The following PACSIN2 variants were observed in gnomAD, a reference collection of about 807,000 sequenced individuals.
PACSIN2 encodes the protein protein kinase C and casein kinase substrate in neurons protein 2.
A neutral mutation model predicts 63.8 loss-of-function variants in PACSIN2; 25 were observed. That is an observed-to-expected ratio of 0.39 (90% confidence interval 0.29 to 0.55). The LOEUF is 0.55. PACSIN2 is among the 20% of genes least tolerant of loss of function. PACSIN2 has a pLI of 0.62. For synonymous variants in PACSIN2, 255 were observed against 256.2 expected (o/e 1.00, Z 0.05); for missense variants, 518 against 646.9 (o/e 0.80, Z 2.16).
chr22:42,922,880 CAG>C (rs1601525338), intron 1 of PACSIN2, among the ~76,000 whole-genome samples: 2 of 152,206 alleles, frequency 1.3e-5, no homozygotes. Context: ...CACCAGGACA[CAG>C]AGAAGTAGGG....
At chr22:42,963,057 T>C (rs1920928599) in intron 1 of PACSIN2, among the ~76,000 whole-genome samples, 1 of 152,214 alleles carries the variant, frequency 6.6e-6, no homozygotes, top group Non-Finnish European at 1.5e-5. Context: ...TGCTGGCCTC[T>C]GGCATGCAGA....
At chr22:42,989,690 T>TGGG (rs1042305389) in intron 1 of PACSIN2, among the ~76,000 whole-genome samples, 4 of 149,816 alleles carry the variant, frequency 2.7e-5, no homozygotes, top group African/African-American at 9.9e-5. Flanking sequence ...CCCAGCTACT[T>TGGG]GGGAGGCTGA....
At chr22:42,993,050 C>A (rs1355364150) in intron 1 of PACSIN2, among the ~76,000 whole-genome samples, 1 of 151,904 alleles carries the variant, frequency 6.6e-6, no homozygotes, top group Non-Finnish European at 1.5e-5. Context: ...CTTATAGTCC[C>A]AGCTACTCGG....
At chr22:42,890,855 G>C in intron 4 of PACSIN2, 92 bp downstream of exon 4, 1 of 975,498 alleles carries the variant, frequency 1.0e-6, no homozygotes, top group Non-Finnish European at 1.6e-6. Context: ...CCTACAGCCA[G>C]TGGCAGGAAG....
intron 6 of PACSIN2, 26 bp from the exon 7 acceptor site, chr22:42,882,330 T>G (rs1929141888): frequency 6.3e-7 from 1 of 1,592,200 alleles, no homozygotes; most frequent in African/African-American, 1.3e-5. Context: ...ACGTGGCTCT[T>G]TTAGAAGGCA....
rs1923985349 is a variant in PACSIN2 at position 43,004,789 on chromosome 22, G to A, written c.-78+10232C>T. ...AGACCACCCTGCAGGTCCAGGCAGA[G>A]GCCCCGTCACAGGCCTCCCTGGGCG... is the stretch of plus-strand genomic sequence containing the variant. On this transcript the variant is annotated intron_variant, in intron 1 of 10. Coordinates refer to ENST00000263246, the MANE Select transcript of PACSIN2 (RefSeq NM_001184970.3). Among the ~76,000 whole-genome samples the A allele has an allele frequency of 2.0e-5, 3 of 152,246 alleles. 1 individual carries two copies. Among genetic ancestry groups the A allele is most frequent in the South Asian group, 4.1e-4 (2 of 4,836 alleles).
intron 2 of PACSIN2, among the ~76,000 whole-genome samples, chr22:42,899,615 C>T (rs749900561): frequency 2.6e-5 from 4 of 152,196 alleles, no homozygotes; most frequent in East Asian, 3.8e-4. Context: ...GGGCAGGCCT[C>T]TGTGCACAAC....
At chr22:42,916,437 T>C (rs1183686847) in intron 1 of PACSIN2, among the ~76,000 whole-genome samples, 2 of 151,704 alleles carry the variant, frequency 1.3e-5, no homozygotes, top group Non-Finnish European at 2.9e-5. Flanking sequence ...AGGGGGGCCT[T>C]GAGGGCAGGC....
intron 8 of PACSIN2, among the ~76,000 whole-genome samples, chr22:42,878,325 G>T (rs1187797437): frequency 2.6e-5 from 4 of 152,154 alleles, no homozygotes; most frequent in African/African-American, 7.2e-5. Flanking sequence ...GGGAGCCTGG[G>T]TGGGGGCTTC....
chr22:42,914,553 G>A (rs1931685935), intron 1 of PACSIN2, among the ~76,000 whole-genome samples: 1 of 152,160 alleles, frequency 6.6e-6, no homozygotes, highest in African/African-American at 2.4e-5. Flanking sequence ...CTGCTAGCCA[G>A]GGCCCTCCTG....
rs530192485 is a variant in PACSIN2, at chr22:42,972,185, G to A, written c.-78+42836C>T. On this transcript the variant is annotated intron_variant, in intron 1 of 10. Coordinates refer to ENST00000263246, the MANE Select transcript of PACSIN2 (RefSeq NM_001184970.3). ...AGGAAAGATTCTTCTGCCTTGGGACGCTGTTGATCTATGGCCTTGCCCCCA... is the reference window on the plus strand; with the variant it reads ...AGGAAAGATTCTTCTGCCTTGGGACACTGTTGATCTATGGCCTTGCCCCCA... Among the ~76,000 whole-genome samples the A allele has an allele frequency of 7.9e-5, 12 of 152,346 alleles. No homozygotes were observed. In the South Asian group the frequency reaches 2.1e-3, roughly 26 times the overall value.
At chr22:42,892,513 T>A (rs1689032978) in intron 3 of PACSIN2, among the ~76,000 whole-genome samples, 1 of 152,132 alleles carries the variant, frequency 6.6e-6, no homozygotes, top group Non-Finnish European at 1.5e-5. Flanking sequence ...AACCTCAAGC[T>A]CTGACTGACA....
At chr22:42,929,435 A>G (rs2284094) in intron 1 of PACSIN2, among the ~76,000 whole-genome samples, 39,284 of 152,156 alleles carry the variant, frequency 0.26, 8,321 homozygotes, top group East Asian at 0.73. Flanking sequence ...TGCTGTCAAT[A>G]GCTTCTGAGA....
At chr22:42,910,453 T>C (rs1282767820) in intron 2 of PACSIN2, among the ~76,000 whole-genome samples, 2 of 152,138 alleles carry the variant, frequency 1.3e-5, no homozygotes, top group Non-Finnish European at 2.9e-5. Flanking sequence ...ACAGCCTCTC[T>C]GGGGGGGCCA....
intron 2 of PACSIN2, among the ~76,000 whole-genome samples, chr22:42,896,999 C>T (rs1221499137): frequency 1.3e-5 from 2 of 152,068 alleles, no homozygotes; most frequent in Non-Finnish European, 2.9e-5. Flanking sequence ...TGCAGTGCCA[C>T]AATCATGGCT....
intron 2 of PACSIN2, among the ~76,000 whole-genome samples, chr22:42,896,816 T>C (rs1282917437): frequency 6.6e-6 from 1 of 152,280 alleles, no homozygotes; most frequent in Non-Finnish European, 1.5e-5. Context: ...TTTTTAGCCA[T>C]TCTACTTAGT....
At chr22:42,906,264 AT>A (rs1482253070) in intron 2 of PACSIN2, among the ~76,000 whole-genome samples, 12 of 152,260 alleles carry the variant, frequency 7.9e-5, no homozygotes. Context: ...GTTAAAACCC[AT>A]CACATCATGA....
At chr22:42,981,388 G>A (rs1420831390) in intron 1 of PACSIN2, among the ~76,000 whole-genome samples, 14 of 139,690 alleles carry the variant, frequency 1.0e-4, no homozygotes, top group South Asian at 2.3e-4. Context: ...CAGCCGCCCC[G>A]TCCGGGAGGT....
intron 2 of PACSIN2, among the ~76,000 whole-genome samples, chr22:42,899,448 G>A (rs1318623628): frequency 6.6e-6 from 1 of 152,124 alleles, no homozygotes; most frequent in African/African-American, 2.4e-5. Flanking sequence ...AGCACACAGA[G>A]ACACCTCTGT....
Sources: gnomAD v4.1 joint callset for allele counts (sites outside exome capture counted in the v4.1 genomes callset) on GRCh38, gnomAD v4.1.1 for gene constraint, MANE v1.5 for transcripts, NCBI Gene and HGNC (gene_info 2026-07-23, HGNC 2026-07-21) for gene names.